The following OR52E8 variants were observed in gnomAD, a reference collection of about 807,000 sequenced individuals.
OR52E8 encodes olfactory receptor 52E8.
For missense variants in OR52E8, 451 were observed against 383.9 expected (o/e 1.17, Z -1.46); for synonymous variants, 167 against 141.1 (o/e 1.18, Z -1.30).
Position 5,857,015 on chromosome 11 carries a change from C to G in OR52E8, c.676G>C (p.Val226Leu). The G allele has an allele frequency of 6.2e-7, 1 of 1,607,420 alleles. No homozygotes were observed. Among genetic ancestry groups the G allele is most frequent in the Non-Finnish European group, 8.5e-7 (1 of 1,179,550 alleles). ...ILSYVRILYA[V>L]FCLPSWEARL... Reference sequence around the variant, plus strand: ...GCTTCCCAGGAGGGCAGGCAGAAGACAGCATACAGGATCCTGACATAGGAG... The same window carrying G: ...GCTTCCCAGGAGGGCAGGCAGAAGAGAGCATACAGGATCCTGACATAGGAG... The change falls in exon 1 of 1, where the codon GTC becomes CTC. Residue 226 changes from valine to leucine, a missense_variant. By Grantham distance (32) the Val-to-Leu change is conservative. Coordinates refer to ENST00000537935, the MANE Select transcript of OR52E8 (RefSeq NM_001005168.3).
chr11:5,857,254 A>G lies in OR52E8; in HGVS notation c.437T>C (p.Ile146Thr), dbSNP rs749810338. 16 of 1,610,064 alleles carry G rather than the reference A, an allele frequency of 9.9e-6. No homozygotes were observed. The highest frequency in any genetic ancestry group is 1.3e-5 in the Non-Finnish European group (15 of 1,179,924). ...MILTSKIISL[I>T]AGIAVLRSLY... is the part of the protein sequence containing the mutation. ...GCTCCTCAGGACAGCAATGCCTGCA[A>G]TGAGGCTGATGATTTTGCTGGTGAG... is the stretch of plus-strand genomic sequence containing the variant. Residue 146 changes from isoleucine to threonine, a missense_variant, in exon 1 of 1, where the codon ATT (isoleucine) becomes ACT (threonine). Physicochemically the swap from Ile to Thr is moderately conservative, Grantham distance 89. Transcript: ENST00000537935.
At position 5,857,017 on chromosome 11, in the gene OR52E8, G is replaced by T; in HGVS notation, c.674C>A (p.Ala225Asp). 3 of 1,607,734 alleles carry T rather than the reference G, an allele frequency of 1.9e-6. No homozygotes were observed. Among genetic ancestry groups the T allele is most frequent in the Non-Finnish European group, 2.5e-6 (3 of 1,179,574 alleles). The change falls in exon 1 of 1, where the codon GCT becomes GAT. Residue 225 changes from alanine to aspartate, a missense_variant. Ala to Asp is a moderately radical substitution (Grantham distance 126, BLOSUM62 -2). Coordinates refer to ENST00000537935, the MANE Select transcript of OR52E8 (RefSeq NM_001005168.3). The part of the protein sequence containing the change: ...IILSYVRILY[A>D]VFCLPSWEAR... ...TTCCCAGGAGGGCAGGCAGAAGACAGCATACAGGATCCTGACATAGGAGAG... is the reference window on the plus strand; with the variant it reads ...TTCCCAGGAGGGCAGGCAGAAGACATCATACAGGATCCTGACATAGGAGAG...
rs756956968 is a variant in OR52E8 at position 5,857,548 on chromosome 11, A to G, written c.143T>C (p.Leu48Ser). 1 of 1,609,586 alleles carries G rather than the reference A, an allele frequency of 6.2e-7. No homozygotes were observed. The highest frequency in any genetic ancestry group is 8.5e-7 in the Non-Finnish European group (1 of 1,179,814). Residue 48 changes from leucine (L) to serine (S), a missense_variant, in exon 1 of 1, where the codon TTG becomes TCG. Physicochemically the swap from Leu to Ser is moderately radical, Grantham distance 145. Coordinates refer to ENST00000537935, the MANE Select transcript of OR52E8 (RefSeq NM_001005168.3). ...ACTCTGCTCAGTCTGGATCACAAAC[A>G]AGAGAGCAGTGTTTCCCAGGAGTGC... ...LVALLGNTAL[L>S]FVIQTEQSLH...
chr11:5,857,398 C>T lies in OR52E8; in HGVS notation c.293G>A (p.Gly98Asp), dbSNP rs143263598. ...GATGAAGAACATGTGAGAAAGGCAG[C>T]CTCCAAAAGATATTTCTTTGGTATT... ...WFNTKEISFG[G>D]CLSHMFFIHF... Residue 98 changes from glycine to aspartate, a missense_variant, in exon 1 of 1, where the codon GGC becomes GAC. Physicochemically the swap from Gly to Asp is moderately conservative, Grantham distance 94. Transcript: ENST00000537935. 8.4e-4 allele frequency: 1,359 copies of T among 1,610,288 alleles called. 11 individuals carry two copies. In the East Asian group the frequency reaches 0.017, roughly 20 times the overall value.
rs776779485 is a variant in OR52E8 at position 5,857,493 on chromosome 11, G to A, written c.198C>T (p.Ala66=). 1 of 1,609,876 alleles carries A rather than the reference G, an allele frequency of 6.2e-7. No individual in the cohort carries two copies. The highest frequency in any genetic ancestry group is 1.1e-5 in the South Asian group (1 of 91,070). Residue 66 remains alanine (A), a synonymous_variant, in exon 1 of 1, where the codon GCC becomes GCT. Transcript: ENST00000537935. ...AGCCCAGGTCAATGGAATCCAACAT[G>A]GCCAGGAAGTAGTACATAGGCTCAT... ...SLHEPMYYFL[A]MLDSIDLGLS...
In OR52E8 at chr11:5,856,924, G is replaced by A. The variant is rs748209239; in HGVS notation, c.767C>T (p.Ala256Val). The change falls in exon 1 of 1, where the codon GCA becomes GTA. Residue 256 changes from alanine (A) to valine (V), a missense_variant. Transcript: ENST00000537935. ...ACGATGTGTCAAGAATGAAAAAAAT[G>A]CTGGTGTAAAAAAGGCTAAGATAAC... ...IGVILAFFTP[A>V]FFSFLTHRFG... The A allele has an allele frequency of 1.2e-6, 2 of 1,605,706 alleles. No individual in the cohort carries two copies. The highest frequency in any genetic ancestry group is 1.7e-6 in the Non-Finnish European group (2 of 1,178,996).
chr11:5,857,658 A>G lies in OR52E8; in HGVS notation c.33T>C (p.Pro11=), dbSNP rs756283921. 6.2e-7 allele frequency: 1 copy of G among 1,609,612 alleles called. No individual in the cohort carries two copies. Among genetic ancestry groups the G allele is most frequent in the South Asian group, 1.1e-5 (1 of 91,036 alleles). The stretch of plus-strand genomic sequence containing the variant: ...GGATACCCAGCAGTAGGAATGAAGA[A>G]GGATGGAACTGGGTGTGATTAGACG... MSTSNHTQFH[P]SSFLLLGIPG... The change falls in exon 1 of 1, where the codon CCT becomes CCC. Residue 11 remains proline (P), a synonymous_variant. Coordinates refer to ENST00000537935, the MANE Select transcript of OR52E8 (RefSeq NM_001005168.3).
rs751761971 is a variant in OR52E8, at chr11:5,857,217, A to G, written c.474T>C (p.Val158=). Reference sequence around the variant, plus strand: ...TCAGAAGGAGAAACACCAGTGGAACAACCATGTACAGGCTCCTCAGGACAG... The same window carrying G: ...TCAGAAGGAGAAACACCAGTGGAACGACCATGTACAGGCTCCTCAGGACAG... ...GIAVLRSLYM[V]VPLVFLLLRL... Residue 158 remains valine, a synonymous_variant, in exon 1 of 1, where the codon GTT becomes GTC. Coordinates refer to ENST00000537935, the MANE Select transcript of OR52E8 (RefSeq NM_001005168.3). 5.8e-5 allele frequency: 94 copies of G among 1,609,976 alleles called. No homozygotes were observed. The highest frequency in any genetic ancestry group is 1.8e-4 in the Admixed American group (11 of 59,874).
At position 5,857,620 on chromosome 11, in the gene OR52E8, T is replaced by A. The variant is rs906477778; in HGVS notation, c.71A>T (p.Asp24Val). Reference protein sequence around the residue: ...FLLLGIPGLEDVHIWIGVPFF... With the variant: ...FLLLGIPGLEVVHIWIGVPFF... ...AGGGACTCCAATCCAAATGTGCACA[T>A]CTTCTAGCCCTGGGATACCCAGCAG... The change falls in exon 1 of 1, where the codon GAT becomes GTT. Residue 24 changes from aspartate to valine, a missense_variant. By Grantham distance (152) the Asp-to-Val change is radical. Transcript: ENST00000537935. 2 of 1,609,352 alleles carry A rather than the reference T, an allele frequency of 1.2e-6. No individual in the cohort carries two copies. Among genetic ancestry groups the A allele is most frequent in the African/African-American group, 1.4e-5 (1 of 70,898 alleles).
Position 5,857,591 on chromosome 11 carries a change from A to G in OR52E8, c.100T>C (p.Phe34Leu). ...DVHIWIGVPF[F>L]FVYLVALLGN... ...AGGAGTGCAACAAGATACACAAAGA[A>G]AAAAGGGACTCCAATCCAAATGTGC... The change falls in exon 1 of 1, where the codon TTC (phenylalanine) becomes CTC (leucine). Residue 34 changes from phenylalanine (F) to leucine (L), a missense_variant. Coordinates refer to ENST00000537935, the MANE Select transcript of OR52E8 (RefSeq NM_001005168.3). 6.2e-7 allele frequency: 1 copy of G among 1,609,474 alleles called. No homozygotes were observed. The highest frequency in any genetic ancestry group is 8.5e-7 in the Non-Finnish European group (1 of 1,179,784).
At position 5,857,166 on chromosome 11, in the gene OR52E8, G is replaced by A. The variant is rs373792186; in HGVS notation, c.525C>T (p.Ile175=). 4.5e-5 allele frequency: 73 copies of A among 1,610,010 alleles called. No homozygotes were observed. In the East Asian group the frequency reaches 1.1e-3, roughly 25 times the overall value. Residue 175 remains isoleucine, a synonymous_variant, in exon 1 of 1, where the codon ATC becomes ATT. Transcript: ENST00000537935. ...TGTGCTCACAATAAGTATGAGGGATGATACGATGCCCACAGAAGGGCAGCC... is the reference window on the plus strand; with the variant it reads ...TGTGCTCACAATAAGTATGAGGGATAATACGATGCCCACAGAAGGGCAGCC... ...LLRLPFCGHR[I]IPHTYCEHMG... is the part of the protein sequence containing the mutation.
In OR52E8 at chr11:5,857,109, G is replaced by C. The variant is rs747421307; in HGVS notation, c.582C>G (p.Ile194Met). The change falls in exon 1 of 1, where the codon ATC becomes ATG. Residue 194 changes from isoleucine (I) to methionine (M), a missense_variant. Physicochemically the swap from Ile to Met is conservative, Grantham distance 10. Coordinates refer to ENST00000537935, the MANE Select transcript of OR52E8 (RefSeq NM_001005168.3). ...MGIARLACAS[I>M]KVNIRFGLGN... ...CAAGGCCAAACCTAATGTTGACTTT[G>C]ATGCTGGCACAGGCCAGACGGGCAA... 3.1e-6 allele frequency: 5 copies of C among 1,609,454 alleles called. No homozygotes were observed.
In OR52E8 at chr11:5,857,078, T is replaced by G; in HGVS notation, c.613A>C (p.Ile205Leu). Residue 205 changes from isoleucine to leucine, a missense_variant, in exon 1 of 1, where the codon ATA (isoleucine) becomes CTA (leucine). Ile to Leu is a conservative substitution (Grantham distance 5). Coordinates refer to ENST00000537935, the MANE Select transcript of OR52E8 (RefSeq NM_001005168.3). ...ATAACATCCAGTAACAAGAGAGATATGTTGCCAAGGCCAAACCTAATGTTG... is the reference window on the plus strand; with the variant it reads ...ATAACATCCAGTAACAAGAGAGATAGGTTGCCAAGGCCAAACCTAATGTTG... ...KVNIRFGLGN[I>L]SLLLLDVILI... 1 of 1,608,548 alleles carries G rather than the reference T, an allele frequency of 6.2e-7. No individual in the cohort carries two copies.
Position 5,857,256 on chromosome 11 carries a change from G to C in OR52E8, c.435C>G (p.Leu145=), listed in dbSNP as rs1308688299. The change falls in exon 1 of 1, where the codon CTC becomes CTG. Residue 145 remains leucine, a synonymous_variant. Transcript: ENST00000537935. ...TCCTCAGGACAGCAATGCCTGCAATGAGGCTGATGATTTTGCTGGTGAGGA... is the reference window on the plus strand; with the variant it reads ...TCCTCAGGACAGCAATGCCTGCAATCAGGCTGATGATTTTGCTGGTGAGGA... The part of the protein sequence containing the change: ...TMILTSKIIS[L]IAGIAVLRSL... 6.2e-7 allele frequency: 1 copy of C among 1,610,146 alleles called. No homozygotes were observed. Among genetic ancestry groups the C allele is most frequent in the Non-Finnish European group, 8.5e-7 (1 of 1,179,918 alleles).
Position 5,856,886 on chromosome 11 carries a change from TA to T in OR52E8, c.804del (p.Asn268LysfsTer10), listed in dbSNP as rs1414525269. 3 of 1,607,120 alleles carry T rather than the reference TA, an allele frequency of 1.9e-6. No individual in the cohort carries two copies. In the East Asian group the frequency reaches 6.7e-5, roughly 36 times the overall value. On this transcript the variant is annotated frameshift_variant, in exon 1 of 1. Transcript: ENST00000537935. LOFTEE classifies it low-confidence loss of function (END_TRUNC). ...AATATAATATGTATATACTGTGGGA[TA>T]TTATGGCCAAAACGATGTGTCAAGA... is the stretch of plus-strand genomic sequence containing the variant. ...FSFLTHRFGH[N>X]IPQYIHIILA...
rs746050909 is a variant in OR52E8 at position 5,857,095 on chromosome 11, C to A, written c.596G>T (p.Arg199Met). The A allele has an allele frequency of 1.2e-6, 2 of 1,608,940 alleles. No homozygotes were observed. The highest frequency in any genetic ancestry group is 1.7e-6 in the Non-Finnish European group (2 of 1,179,796). Residue 199 changes from arginine to methionine, a missense_variant, in exon 1 of 1, where the codon AGG becomes ATG. Arg to Met is a moderately conservative substitution (Grantham distance 91). Coordinates refer to ENST00000537935, the MANE Select transcript of OR52E8 (RefSeq NM_001005168.3). ...LACASIKVNI[R>M]FGLGNISLLL... Reference sequence around the variant, plus strand: ...GAGAGATATGTTGCCAAGGCCAAACCTAATGTTGACTTTGATGCTGGCACA... The same window carrying A: ...GAGAGATATGTTGCCAAGGCCAAACATAATGTTGACTTTGATGCTGGCACA...
chr11:5,857,418 G>T lies in OR52E8; in HGVS notation c.273C>A (p.Thr91=). 6.2e-7 allele frequency: 1 copy of T among 1,610,196 alleles called. No homozygotes were observed. ...PKMLGIFWFN[T]KEISFGGCLS... is the part of the protein sequence containing the mutation. ...GGCAGCCTCCAAAAGATATTTCTTT[G>T]GTATTGAACCAGAAGATGCCCAACA... The change falls in exon 1 of 1, where the codon ACC becomes ACA. Residue 91 remains threonine, a synonymous_variant. Transcript: ENST00000537935.
chr11:5,856,825 T>C lies in OR52E8; in HGVS notation c.866A>G (p.Asn289Ser), dbSNP rs1221596227. 4 of 1,606,472 alleles carry C rather than the reference T, an allele frequency of 2.5e-6. 1 individual carries two copies. Among genetic ancestry groups the C allele is most frequent in the Middle Eastern group, 3.3e-4 (2 of 6,036 alleles). ...NLYVVVPPALNPVIYGVRTKQ... is the reference protein window; with the variant it reads ...NLYVVVPPALSPVIYGVRTKQ... Reference sequence around the variant, plus strand: ...TGTCCTGACTCCATAGATTACAGGATTGAGGGCTGGTGGGACAACCACATA... The same window carrying C: ...TGTCCTGACTCCATAGATTACAGGACTGAGGGCTGGTGGGACAACCACATA... The change falls in exon 1 of 1, where the codon AAT becomes AGT. Residue 289 changes from asparagine to serine, a missense_variant. Coordinates refer to ENST00000537935, the MANE Select transcript of OR52E8 (RefSeq NM_001005168.3).
rs1210532335 is a variant in OR52E8, at chr11:5,857,347, A to G, written c.344T>C (p.Ile115Thr). ...FIHFFTAMESIVLVAMAFDRY... is the reference protein window; with the variant it reads ...FIHFFTAMESTVLVAMAFDRY... ...GTCAAAGGCCATGGCCACCAACACA[A>G]TGCTCTCCATAGCAGTGAAGAAATG... is the stretch of plus-strand genomic sequence containing the variant. Residue 115 changes from isoleucine to threonine, a missense_variant, in exon 1 of 1, where the codon ATT becomes ACT. Coordinates refer to ENST00000537935, the MANE Select transcript of OR52E8 (RefSeq NM_001005168.3). 2 of 1,610,122 alleles carry G rather than the reference A, an allele frequency of 1.2e-6. No individual in the cohort carries two copies. The highest frequency in any genetic ancestry group is 1.4e-5 in the African/African-American group (1 of 71,356).
Sources: allele counts gnomAD v4.1 joint callset, GRCh38; gene constraint gnomAD v4.1.1; transcripts MANE v1.5; gene names NCBI Gene and HGNC (gene_info 2026-07-23, HGNC 2026-07-21).